Variants in SAMMSON observed in about 807,000 individuals in gnomAD.
SAMMSON encodes survival associated mitochondrial melanoma specific oncogenic non-coding RNA.
At chr3:70,086,845 C>A (rs910524744) in intron 4 of SAMMSON, among the ~76,000 whole-genome samples, 2 of 152,182 alleles carry the variant, frequency 1.3e-5, no homozygotes, top group Non-Finnish European at 2.9e-5. Flanking sequence ...CAGTAATTTA[C>A]ACATGTATGG....
intron 4 of SAMMSON, among the ~76,000 whole-genome samples, chr3:70,096,918 T>C (rs1420625994): frequency 6.6e-6 from 1 of 152,192 alleles, no homozygotes; most frequent in Non-Finnish European, 1.5e-5. Context: ...GATTGAACCA[T>C]GTAAAACTAG....
Position 70,366,215 on chromosome 3 carries a change from C to A in SAMMSON, n.913+7891C>A, listed in dbSNP as rs1318602168. On this transcript the variant is annotated intron_variant and non_coding_transcript_variant, in intron 9 of 9. Transcript: ENST00000642114. ...CCTTGTTAGCCAGGATGGTCTCGATCTCCTGACCTCATGATCCACCCGCCT... is the reference window on the plus strand; with the variant it reads ...CCTTGTTAGCCAGGATGGTCTCGATATCCTGACCTCATGATCCACCCGCCT... 7.7e-5 allele frequency among the ~76,000 whole-genome samples: 2 copies of A among 26,072 alleles called. 1 individual carries two copies. The highest frequency in any genetic ancestry group is 1.9e-4 in the Non-Finnish European group (2 of 10,572). 17.1% of individuals were successfully genotyped at this position (26,072 alleles called of 152,430 possible).
chr3:70,313,842 T>G (rs1285530218), intron 7 of SAMMSON, among the ~76,000 whole-genome samples: 1 of 152,192 alleles, frequency 6.6e-6, no homozygotes, highest in Admixed American at 6.5e-5. Flanking sequence ...AATTTCAGAT[T>G]CCTTAGATGG....
intron 4 of SAMMSON, among the ~76,000 whole-genome samples, chr3:70,225,288 G>A (rs1701492987): frequency 6.6e-6 from 1 of 152,158 alleles, no homozygotes; most frequent in South Asian, 2.1e-4. Flanking sequence ...ATTCTCTTCA[G>A]TGTGAGAATT....
At chr3:70,320,774 C>A (rs1461257399) in intron 7 of SAMMSON, among the ~76,000 whole-genome samples, 1 of 152,086 alleles carries the variant, frequency 6.6e-6, no homozygotes, top group African/African-American at 2.4e-5. Context: ...GGATGCAATC[C>A]ATTAGCATTT....
chr3:70,255,762 G>A (rs966719925), intron 6 of SAMMSON, among the ~76,000 whole-genome samples: 1 of 152,138 alleles, frequency 6.6e-6, no homozygotes, highest in Non-Finnish European at 1.5e-5. Flanking sequence ...CAGCCAGGGG[G>A]CTATTTTTCA....
chr3:70,081,883 A>C lies in SAMMSON; in HGVS notation n.507+10318A>C, dbSNP rs189812753. On this transcript the variant is annotated intron_variant and non_coding_transcript_variant, in intron 4 of 9. Coordinates refer to ENST00000642114, the Ensembl canonical transcript of SAMMSON. Reference sequence around the variant, plus strand: ...GAAAGTGTGACACCACAAATTATTGACTCTAGAAGTACCCAAGTCATGAGG... The same window carrying C: ...GAAAGTGTGACACCACAAATTATTGCCTCTAGAAGTACCCAAGTCATGAGG... Among the ~76,000 whole-genome samples the C allele has an allele frequency of 3.3e-3, 499 of 152,296 alleles. 2 individuals carry two copies. The highest frequency in any genetic ancestry group is 5.1e-3 in the Non-Finnish European group (348 of 68,032).
chr3:70,232,426 G>A (rs1257314890), intron 4 of SAMMSON, among the ~76,000 whole-genome samples: 2 of 150,464 alleles, frequency 1.3e-5, no homozygotes, highest in Admixed American at 6.6e-5. Context: ...TTCTTGCGAT[G>A]GAGTCTCGCT....
intron 4 of SAMMSON, among the ~76,000 whole-genome samples, chr3:70,119,572 A>T (rs572269188): frequency 6.6e-6 from 1 of 152,344 alleles, no homozygotes; most frequent in African/African-American, 2.4e-5. Flanking sequence ...ATTGAGCAAC[A>T]TGAAATGCAG....
chr3:70,418,999 C>CTCTTTCTT lies in SAMMSON; in HGVS notation n.234-43550_234-43543dup, dbSNP rs1553664170. ...CTTCCTTCTCTCTCTCTCTCTCTCT[C>CTCTTTCTT]TCTTTCTTTCTTTCTTTCCTTCTTT... On this transcript the variant is annotated intron_variant and non_coding_transcript_variant, in intron 2 of 3. Transcript: ENST00000641053. 2.6e-3 allele frequency among the ~76,000 whole-genome samples: 310 copies of CTCTTTCTT among 119,274 alleles called. 5 individuals carry two copies. The highest frequency in any genetic ancestry group is 3.2e-3 in the Non-Finnish European group (193 of 60,042). 78.2% of individuals were successfully genotyped at this position (119,274 alleles called of 152,430 possible). A position where few individuals can be genotyped will look rare whatever the true frequency, so the allele number is the denominator to read the frequency against.
chr3:70,142,624 A>G (rs999231465), intron 4 of SAMMSON, among the ~76,000 whole-genome samples: 7 of 152,152 alleles, frequency 4.6e-5, no homozygotes, highest in African/African-American at 1.4e-4. Context: ...AAAATCTCAC[A>G]AATCACCACC....
chr3:70,273,047 G>A lies in SAMMSON; in HGVS notation n.675-18132G>A, dbSNP rs531160429. On this transcript the variant is annotated intron_variant and non_coding_transcript_variant, in intron 6 of 9. Transcript: ENST00000642114. ...CTCCAAATATCCTTCTCACTCTCCT[G>A]CCTACCTGTTGTCAAGGGAAGTTCA... Among the ~76,000 whole-genome samples, 8 of 152,188 alleles carry A rather than the reference G, an allele frequency of 5.3e-5. 1 individual carries two copies. In the South Asian group the frequency reaches 1.7e-3, roughly 32 times the overall value.
At chr3:70,016,506 A>G (rs1026775609) in intron 3 of SAMMSON, among the ~76,000 whole-genome samples, 10 of 151,944 alleles carry the variant, frequency 6.6e-5, no homozygotes, top group African/African-American at 2.4e-4. Flanking sequence ...AGATGAGTAG[A>G]TTGCAAAAAT....
chr3:70,323,797 C>A (rs765014767), intron 7 of SAMMSON, among the ~76,000 whole-genome samples: 11 of 152,108 alleles, frequency 7.2e-5, no homozygotes, highest in Non-Finnish European at 1.6e-4. Context: ...CTGCAACTGC[C>A]CATTTTCCTC....
intron 6 of SAMMSON, among the ~76,000 whole-genome samples, chr3:70,253,298 G>A (rs1701786336): frequency 6.6e-6 from 1 of 152,124 alleles, no homozygotes; most frequent in Admixed American, 6.6e-5. Context: ...TTATTTATGG[G>A]GAATGGGAAG....
At chr3:70,312,968 A>G (rs1412697303) in intron 7 of SAMMSON, among the ~76,000 whole-genome samples, 4 of 152,222 alleles carry the variant, frequency 2.6e-5, no homozygotes, top group African/African-American at 4.8e-5. Flanking sequence ...TGGTTAAAAG[A>G]AAAGAAAGGG....
intron 6 of SAMMSON, among the ~76,000 whole-genome samples, chr3:70,263,819 A>C (rs1244654609): frequency 1.3e-5 from 2 of 152,018 alleles, no homozygotes; most frequent in African/African-American, 2.4e-5. Flanking sequence ...ATCACAGTCC[A>C]GAAATTACTC....
At position 70,139,800 on chromosome 3, in the gene SAMMSON, G is replaced by A. The variant is rs139942795; in HGVS notation, n.507+68235G>A. Among the ~76,000 whole-genome samples the A allele has an allele frequency of 5.2e-3, 784 of 152,138 alleles. 10 individuals carry two copies. Among genetic ancestry groups the A allele is most frequent in the African/African-American group, 0.018 (746 of 41,512 alleles). Reference sequence around the variant, plus strand: ...TTGGGGTCATTCTTCCATTGTATTGGACAATAGAGTGTGCAATACATCTTA... The same window carrying A: ...TTGGGGTCATTCTTCCATTGTATTGAACAATAGAGTGTGCAATACATCTTA... On this transcript the variant is annotated intron_variant and non_coding_transcript_variant, in intron 4 of 9. Transcript: ENST00000642114.
At chr3:70,156,853 T>C (rs913130899) in intron 4 of SAMMSON, among the ~76,000 whole-genome samples, 9 of 152,128 alleles carry the variant, frequency 5.9e-5, no homozygotes, top group African/African-American at 2.2e-4. Context: ...AGATTAATTG[T>C]ATCAACTGTA....
Sources: gnomAD v4.1 joint callset for allele counts (sites outside exome capture counted in the v4.1 genomes callset) on GRCh38, gnomAD v4.1.1 for gene constraint, MANE v1.5 for transcripts, NCBI Gene and HGNC (gene_info 2026-07-23, HGNC 2026-07-21) for gene names.